TBC1D32: variants seen among roughly 807,000 people sequenced by gnomAD.
TBC1D32 encodes TBC1 domain family member 32.
A neutral mutation model predicts 170.3 loss-of-function variants in TBC1D32; 151 were observed. The ratio of observed to expected loss-of-function variants is 0.89; its 90% CI spans 0.78 to 1.01. The LOEUF is 1.01. Ranked by LOEUF, TBC1D32 falls within the 50% of genes least tolerant of loss-of-function variation. TBC1D32 has a pLI of 0.00. For synonymous variants in TBC1D32, 498 were observed against 488.0 expected, an observed-to-expected ratio of 1.02 and a Z score of -0.27; for missense variants, 1,464 against 1,457.1, an observed-to-expected ratio of 1.00 and a Z score of -0.08.
rs766606854 is a variant in TBC1D32 at position 121,321,743 on chromosome 6, A to G, written c.207T>C (p.Ser69=). The change falls in exon 2 of 32, where the codon TCT becomes TCC. Residue 69 remains serine, a synonymous_variant. Coordinates refer to ENST00000398212, the MANE Select transcript of TBC1D32 (RefSeq NM_152730.6). ...LRQHIGNTLG[S]MIEEEMEKCT... is the part of the protein sequence containing the mutation. ...ATTTTTCCATTTCTTCTTCAATCAT[A>G]GAACCCAAAGTGTTGCCTATATGCT... The G allele has an allele frequency of 1.2e-6, 2 of 1,614,044 alleles. No homozygotes were observed. Among genetic ancestry groups the G allele is most frequent in the South Asian group, 1.1e-5 (1 of 91,068 alleles).
intron 9 of TBC1D32, among the ~76,000 whole-genome samples, chr6:121,300,931 AT>A (rs1806373409): frequency 6.6e-6 from 1 of 152,236 alleles, no homozygotes; most frequent in Non-Finnish European, 1.5e-5. Context: ...CAAAAGACAC[AT>A]GAAAAAATGC....
At position 121,080,672 on chromosome 6, in the gene TBC1D32, T is replaced by C; in HGVS notation, c.*99A>G. The C allele has an allele frequency of 7.0e-7, 1 of 1,421,924 alleles. No homozygotes were observed. The highest frequency in any genetic ancestry group is 1.8e-4 in the Middle Eastern group (1 of 5,446). The allele number at this position is 1,421,924 out of a possible 1,614,324, so 88.1% of individuals were successfully genotyped here. On this transcript the variant is annotated 3_prime_UTR_variant, in exon 32 of 32. Transcript: ENST00000398212. ...TTCTCAGTATTTACAATATGTATAT[T>C]CACAAAGTAAATGTTGTTACAGACA... is the stretch of plus-strand genomic sequence containing the variant.
rs1775472562 is a variant in TBC1D32 at position 121,079,820 on chromosome 6, C to T, written c.*951G>A. 1 of 151,988 alleles carries T rather than the reference C, an allele frequency of 6.6e-6. No individual in the cohort carries two copies. Among genetic ancestry groups the T allele is most frequent in the Admixed American group, 6.6e-5 (1 of 15,256 alleles). 9.4% of individuals were successfully genotyped at this position (151,988 alleles called of 1,614,324 possible). On this transcript the variant is annotated 3_prime_UTR_variant, in exon 32 of 32. Coordinates refer to ENST00000398212, the MANE Select transcript of TBC1D32 (RefSeq NM_152730.6). ...GTAAAATATATCACTAAGGAAAATG[C>T]ATAACAAATAAGAGTAGAATGCTTA... is the stretch of plus-strand genomic sequence containing the variant.
chr6:121,304,281 T>C, intron 8 of TBC1D32, 84 bp downstream of exon 8: 1 of 1,257,704 alleles, frequency 8.0e-7, no homozygotes, highest in South Asian at 1.4e-5. Context: ...CCATTAAGAC[T>C]GTCTTTACTC....
At chr6:121,251,964 A>G (rs1427089303) in intron 17 of TBC1D32, among the ~76,000 whole-genome samples, 1 of 152,218 alleles carries the variant, frequency 6.6e-6, no homozygotes, top group Non-Finnish European at 1.5e-5. Context: ...CAAGAAACAT[A>G]TGAAAAAAAG....
At chr6:121,096,541 A>G (rs916778907) in intron 30 of TBC1D32, among the ~76,000 whole-genome samples, 1 of 152,146 alleles carries the variant, frequency 6.6e-6, no homozygotes, top group African/African-American at 2.4e-5. Flanking sequence ...TCAAGGAAAT[A>G]AGAGAGGACA....
chr6:121,286,869 T>C (rs1803935537), intron 12 of TBC1D32, among the ~76,000 whole-genome samples: 1 of 152,138 alleles, frequency 6.6e-6, no homozygotes, highest in Admixed American at 6.6e-5. Flanking sequence ...AAGAAAATAA[T>C]TTTCAACCCA....
chr6:121,151,567 T>C (rs1162178288), intron 24 of TBC1D32, among the ~76,000 whole-genome samples: 1 of 152,220 alleles, frequency 6.6e-6, no homozygotes, highest in Non-Finnish European at 1.5e-5. Context: ...GTTAATTTTC[T>C]GTCTCGATCA....
intron 26 of TBC1D32, among the ~76,000 whole-genome samples, chr6:121,124,219 G>T (rs1413750585): frequency 6.6e-6 from 1 of 152,046 alleles, no homozygotes; most frequent in South Asian, 2.1e-4. Context: ...AGGTCTGAAA[G>T]TGATAAGTTC....
intron 1 of TBC1D32, among the ~76,000 whole-genome samples, chr6:121,326,005 C>G (rs1400071833): frequency 6.6e-6 from 1 of 152,040 alleles, no homozygotes; most frequent in Non-Finnish European, 1.5e-5. Flanking sequence ...ACGCAGCCAA[C>G]AAACATATGA....
intron 1 of TBC1D32, among the ~76,000 whole-genome samples, chr6:121,330,452 G>A (rs940078619): frequency 1.3e-5 from 2 of 152,128 alleles, no homozygotes; most frequent in African/African-American, 4.8e-5. Flanking sequence ...ATATTACTAT[G>A]GTCCCTCTGT....
At chr6:121,187,850 TGA>T (rs1019087739) in intron 22 of TBC1D32, among the ~76,000 whole-genome samples, 1 of 151,944 alleles carries the variant, frequency 6.6e-6, no homozygotes, top group African/African-American at 2.4e-5. Flanking sequence ...TTTAGCTGGT[TGA>T]GAGTTTATGT....
chr6:121,150,621 T>A (rs767886443), intron 24 of TBC1D32, among the ~76,000 whole-genome samples: 1 of 152,196 alleles, frequency 6.6e-6, no homozygotes, highest in Non-Finnish European at 1.5e-5. Flanking sequence ...TGGCTGTGAA[T>A]CCATCTGGTC....
intron 2 of TBC1D32, among the ~76,000 whole-genome samples, chr6:121,319,253 C>T (rs557683696): frequency 1.3e-5 from 2 of 151,880 alleles, no homozygotes; most frequent in Admixed American, 6.6e-5. Flanking sequence ...TAACAGAGTC[C>T]GAGGAATATC....
intron 20 of TBC1D32, among the ~76,000 whole-genome samples, chr6:121,225,261 T>G (rs911747322): frequency 1.3e-5 from 2 of 152,056 alleles, no homozygotes; most frequent in African/African-American, 2.4e-5. Context: ...TTAATCCAAT[T>G]TAGTTTATCC....
chr6:121,248,654 C>A (rs1358740182), intron 17 of TBC1D32, among the ~76,000 whole-genome samples: 1 of 151,682 alleles, frequency 6.6e-6, no homozygotes, highest in Non-Finnish European at 1.5e-5. Flanking sequence ...TATAAAAGAT[C>A]ATTCAAGGCT....
chr6:121,296,653 T>C (rs1293121894), intron 10 of TBC1D32, among the ~76,000 whole-genome samples: 2 of 152,134 alleles, frequency 1.3e-5, no homozygotes, highest in East Asian at 1.9e-4. Context: ...CCTTCTTCCA[T>C]GGTTCCATCA....
At chr6:121,311,712 T>C (rs986296223) in intron 3 of TBC1D32, among the ~76,000 whole-genome samples, 16 of 137,284 alleles carry the variant, frequency 1.2e-4, no homozygotes, top group African/African-American at 4.3e-4. Context: ...GGCAACTGAG[T>C]GAGACTCCAC....
At chr6:121,170,500 C>T (rs777217426) in intron 22 of TBC1D32, 1 of 1,600,798 alleles carries the variant, frequency 6.2e-7, no homozygotes, top group South Asian at 1.1e-5. Context: ...GAAGAGTGTC[C>T]AGATCACAGC....
Sources: allele counts gnomAD v4.1 joint callset (sites outside exome capture counted in the v4.1 genomes callset), GRCh38; gene constraint gnomAD v4.1.1; transcripts MANE v1.5; gene names NCBI Gene and HGNC (gene_info 2026-07-23, HGNC 2026-07-21).